The following RC3H1 variants were observed in gnomAD, a reference collection of about 807,000 sequenced individuals.
RC3H1 encodes the protein roquin-1.
Under a neutral mutation model 138.2 loss-of-function variants are expected in RC3H1, and 50 were observed. The ratio of observed to expected loss-of-function variants is 0.36; its 90% CI spans 0.29 to 0.46. RC3H1 has a LOEUF of 0.46. Among genes scored for constraint, RC3H1 ranks in the 20% least tolerant of loss-of-function variants. The pLI is 1.00. For missense variants in RC3H1, 1,031 were observed against 1,388.1 expected, an observed-to-expected ratio of 0.74 and a Z score of 4.09; for synonymous variants, 462 against 489.1, an observed-to-expected ratio of 0.94 and a Z score of 0.73.
At chr1:173,997,424 T>C (rs1661482812) in intron 1 of RC3H1, among the ~76,000 whole-genome samples, 1 of 152,194 alleles carries the variant, frequency 6.6e-6, no homozygotes, top group Admixed American at 6.5e-5. Flanking sequence ...TTATTAATCT[T>C]CTTTTACACA....
intron 9 of RC3H1, among the ~76,000 whole-genome samples, chr1:173,970,229 A>C (rs1292138689): frequency 6.6e-6 from 1 of 152,214 alleles, no homozygotes; most frequent in East Asian, 1.9e-4. Context: ...AAGTAATTTT[A>C]TACATTATTT....
At chr1:173,994,976 T>C (rs573978109) in intron 1 of RC3H1, among the ~76,000 whole-genome samples, 19 of 152,176 alleles carry the variant, frequency 1.2e-4, no homozygotes, top group African/African-American at 3.6e-4. Context: ...ACTAAACATA[T>C]AAACAGCAAT....
intron 1 of RC3H1, among the ~76,000 whole-genome samples, chr1:174,001,044 G>A (rs1256784592): frequency 2.0e-5 from 3 of 152,092 alleles, no homozygotes; most frequent in Admixed American, 1.3e-4. Context: ...ATAAATACTT[G>A]GGACAGGCAT....
chr1:173,999,378 CAAA>C (rs11299661), intron 1 of RC3H1, among the ~76,000 whole-genome samples: 9 of 110,260 alleles, frequency 8.2e-5, no homozygotes, highest in Admixed American at 8.3e-5. Flanking sequence ...AAAACTCCAC[CAAA>C]AAAAAAAAAA....
At chr1:174,014,167 C>T (rs1661817037) in intron 1 of RC3H1, among the ~76,000 whole-genome samples, 1 of 152,104 alleles carries the variant, frequency 6.6e-6, no homozygotes, top group African/African-American at 2.4e-5. Context: ...TTGGCAAAAC[C>T]CATAGAACTG....
chr1:173,950,036 G>A (rs575684275), intron 14 of RC3H1, among the ~76,000 whole-genome samples: 121 of 152,082 alleles, frequency 8.0e-4, no homozygotes, highest in Middle Eastern at 3.4e-3. Context: ...GGGCATGGTG[G>A]TATGTGCCTG....
chr1:173,939,603 G>A (rs1014751365), intron 19 of RC3H1, among the ~76,000 whole-genome samples: 10 of 147,982 alleles, frequency 6.8e-5, no homozygotes, highest in East Asian at 2.0e-4. Flanking sequence ...TTGGGAGGCC[G>A]AGGCGGGTGG....
At chr1:173,947,738 T>G in intron 14 of RC3H1, among the ~76,000 whole-genome samples, 156 bp from the exon 15 acceptor site, 1 of 152,048 alleles carries the variant, frequency 6.6e-6, no homozygotes, top group Non-Finnish European at 1.5e-5. Flanking sequence ...GTAACACTGG[T>G]TTTTAAACCT....
chr1:173,974,096 A>G (rs1031038100), intron 7 of RC3H1, among the ~76,000 whole-genome samples: 2 of 152,066 alleles, frequency 1.3e-5, no homozygotes, highest in Non-Finnish European at 1.5e-5. Flanking sequence ...GATTACAGGC[A>G]TGAGCCACTG....
At position 173,943,435 on chromosome 1, in the gene RC3H1, C is replaced by T. The variant is rs771938487; in HGVS notation, c.3135+7G>A. The T allele has an allele frequency of 1.9e-6, 3 of 1,608,608 alleles. No homozygotes were observed. The highest frequency in any genetic ancestry group is 1.7e-5 in the Admixed American group (1 of 59,446). ...CCTTCCCTCTCTTTCCCCACCATAA[C>T]ACTCACCATACTCAGTTCCCGTGTT... On this transcript the variant is annotated splice_region_variant and intron_variant, in intron 18 of 19. Transcript: ENST00000367696.
At chr1:173,967,950 T>C (rs1449931114) in intron 9 of RC3H1, among the ~76,000 whole-genome samples, 4 of 152,204 alleles carry the variant, frequency 2.6e-5, no homozygotes, top group Non-Finnish European at 5.9e-5. Flanking sequence ...AAATCTCTTA[T>C]ACATCTAGAG....
chr1:174,001,347 G>A (rs1171754200), intron 1 of RC3H1, among the ~76,000 whole-genome samples: 1 of 152,154 alleles, frequency 6.6e-6, no homozygotes, highest in Non-Finnish European at 1.5e-5. Flanking sequence ...TTCAAGTTAT[G>A]CATTATATAC....
chr1:173,977,208 G>A (rs994165091), intron 7 of RC3H1, among the ~76,000 whole-genome samples: 1 of 152,184 alleles, frequency 6.6e-6, no homozygotes, highest in African/African-American at 2.4e-5. Flanking sequence ...ACAGGCGTAA[G>A]CCACTGTGTC....
intron 13 of RC3H1, among the ~76,000 whole-genome samples, chr1:173,954,720 C>T (rs773948545): frequency 1.3e-5 from 2 of 151,982 alleles, no homozygotes; most frequent in Admixed American, 6.6e-5. Flanking sequence ...AAAATTTGGA[C>T]GGGGCATGGT....
Position 174,014,123 on chromosome 1 carries a change from G to T in RC3H1, c.-151+7973C>A, listed in dbSNP as rs937626979. Among the ~76,000 whole-genome samples, 7 of 152,300 alleles carry T rather than the reference G, an allele frequency of 4.6e-5. No individual in the cohort carries two copies. The East Asian group carries it at 1.4e-3, about 29-fold the overall frequency. On this transcript the variant is annotated intron_variant, in intron 1 of 19. Transcript: ENST00000367696. ...TTAGGTCAATGAAACCATTCTGCACGATTCTAGAATAGTGGATGTATAATG... is the reference window on the plus strand; with the variant it reads ...TTAGGTCAATGAAACCATTCTGCACTATTCTAGAATAGTGGATGTATAATG...
chr1:173,962,474 G>C (rs1033531956), intron 11 of RC3H1, among the ~76,000 whole-genome samples: 4 of 152,176 alleles, frequency 2.6e-5, no homozygotes, highest in Non-Finnish European at 4.4e-5. Context: ...GAAATAACTG[G>C]GAGGAGACAT....
rs933264035 is a variant in RC3H1 at position 174,022,347 on chromosome 1, C to A, written c.-402G>T. On this transcript the variant is annotated 5_prime_UTR_variant, in exon 1 of 20. Coordinates refer to ENST00000367696, the MANE Select transcript of RC3H1 (RefSeq NM_172071.4). The surrounding 1 kb of genome is among the most constrained non-coding windows in gnomAD (Gnocchi z 4.2). ...TCCTCCTCGTCCTCCGCCGCCCAGT[C>A]GCTCGTTGTCCTCGTCCCCTTCCTC... is the stretch of plus-strand genomic sequence containing the variant. The A allele has an allele frequency of 5.3e-6, 2 of 378,498 alleles. No homozygotes were observed. The highest frequency in any genetic ancestry group is 4.2e-5 in the African/African-American group (2 of 47,768). The allele number at this position is 378,498 out of a possible 1,614,324, so 23.4% of individuals were successfully genotyped here. A position where few individuals can be genotyped will look rare whatever the true frequency, so the allele number is the denominator to read the frequency against.
At position 173,942,428 on chromosome 1, in the gene RC3H1, C is replaced by CAAAAAAAAAAAAAAA. The variant is rs60694243; in HGVS notation, c.3135+999_3135+1013dup. Among the ~76,000 whole-genome samples, 17 of 38,074 alleles carry CAAAAAAAAAAAAAAA rather than the reference C, an allele frequency of 4.5e-4. 1 individual carries two copies. The highest frequency in any genetic ancestry group is 2.3e-3 in the African/African-American group (16 of 6,988). 25.0% of individuals were successfully genotyped at this position (38,074 alleles called of 152,430 possible). On this transcript the variant is annotated intron_variant, in intron 18 of 19. Coordinates refer to ENST00000367696, the MANE Select transcript of RC3H1 (RefSeq NM_172071.4). ...ACCCTGGGTGACAGAGACTCAGTCT[C>CAAAAAAAAAAAAAAA]AAAAAAAAAAAAAAAAAAAAAAGAA...
At chr1:173,975,256 C>T (rs958657049) in intron 7 of RC3H1, among the ~76,000 whole-genome samples, 2 of 152,152 alleles carry the variant, frequency 1.3e-5, no homozygotes, top group South Asian at 4.2e-4. Context: ...CCACCACGCC[C>T]AGCTAGTTTT....
Sources: gnomAD v4.1 joint callset for allele counts (sites outside exome capture counted in the v4.1 genomes callset) on GRCh38, gnomAD v4.1.1 for gene constraint, Gnocchi (gnomAD v3.1) non-coding constraint, MANE v1.5 for transcripts, NCBI Gene and HGNC (gene_info 2026-07-23, HGNC 2026-07-21) for gene names.